Variants in ARID1B observed in about 807,000 individuals in gnomAD.
ARID1B encodes AT-rich interaction domain 1B.
ARID1B carries 30 observed loss-of-function variants against 212.3 expected under a neutral mutation model. The observed-to-expected ratio is 0.14, with a 90% CI of 0.11 to 0.19. The LOEUF (loss-of-function observed/expected upper bound fraction) is 0.19, where lower values mean the gene tolerates loss of function less well. ARID1B is among the 10% of genes least tolerant of loss of function. ARID1B has a pLI of 1.00. For synonymous variants in ARID1B, 1,402 were observed against 1,301.7 expected (o/e 1.08, Z -1.66); for missense variants, 2,891 against 3,204.0 (o/e 0.90, Z 2.36).
intron 4 of ARID1B, among the ~76,000 whole-genome samples, chr6:157,053,499 A>G (rs952859489): frequency 6.6e-6 from 1 of 152,232 alleles, no homozygotes; most frequent in African/African-American, 2.4e-5. Context: ...ATATAAAACT[A>G]TTAACTTTTC....
At chr6:156,951,078 T>C (rs1324790122) in intron 4 of ARID1B, among the ~76,000 whole-genome samples, 1 of 152,210 alleles carries the variant, frequency 6.6e-6, no homozygotes, top group Non-Finnish European at 1.5e-5. Flanking sequence ...TCTTTCAACA[T>C]GTATCCCTGA....
chr6:157,149,150 C>A lies in ARID1B; in HGVS notation c.3089+199C>A, dbSNP rs1790018285. 8.2e-6 allele frequency: 5 copies of A among 608,308 alleles called. No homozygotes were observed. The East Asian group carries it at 1.4e-4, about 17-fold the overall frequency. The allele number at this position is 608,308 out of a possible 1,614,324, so 37.7% of individuals were successfully genotyped here. On this transcript the variant is annotated intron_variant, in intron 8 of 19. Coordinates refer to ENST00000636930, the MANE Select transcript of ARID1B (RefSeq NM_001374828.1). ...AAGTGACAAACCATGTTTTATGATACATGAGGAAGGAATGTGAGCGGTGAG... is the reference window on the plus strand; with the variant it reads ...AAGTGACAAACCATGTTTTATGATAAATGAGGAAGGAATGTGAGCGGTGAG...
At chr6:156,883,011 T>C (rs1787221804) in intron 2 of ARID1B, among the ~76,000 whole-genome samples, 1 of 152,202 alleles carries the variant, frequency 6.6e-6, no homozygotes, top group African/African-American at 2.4e-5. Context: ...TGTCTTAATT[T>C]CTGCATTTTC....
At chr6:157,027,366 T>G (rs753887881) in intron 4 of ARID1B, among the ~76,000 whole-genome samples, 10 of 152,248 alleles carry the variant, frequency 6.6e-5, no homozygotes, top group Non-Finnish European at 1.0e-4. Context: ...ATTTGAACTT[T>G]GAAAGGTTTT....
At position 157,179,526 on chromosome 6, in the gene ARID1B, T is replaced by C. The variant is rs926350640; in HGVS notation, c.3505-1443T>C. On this transcript the variant is annotated intron_variant, in intron 11 of 19. Coordinates refer to ENST00000636930, the MANE Select transcript of ARID1B (RefSeq NM_001374828.1). Reference sequence around the variant, plus strand: ...TACATATATATTTTTTAAGCTCTTATCTAAAGTGGTTTTTAAGTGATGTGA... The same window carrying C: ...TACATATATATTTTTTAAGCTCTTACCTAAAGTGGTTTTTAAGTGATGTGA... Among the ~76,000 whole-genome samples, 9 of 152,340 alleles carry C rather than the reference T, an allele frequency of 5.9e-5. No homozygotes were observed. The South Asian group carries it at 8.3e-4, about 14-fold the overall frequency.
At chr6:157,021,649 C>A (rs536643578) in intron 4 of ARID1B, among the ~76,000 whole-genome samples, 1 of 152,278 alleles carries the variant, frequency 6.6e-6, no homozygotes, top group East Asian at 1.9e-4. Context: ...CTTTGTGGGA[C>A]CCCGCGGAAG....
At chr6:157,000,579 A>G (rs1044665666) in intron 4 of ARID1B, among the ~76,000 whole-genome samples, 9 of 151,964 alleles carry the variant, frequency 5.9e-5, no homozygotes, top group African/African-American at 1.7e-4. Flanking sequence ...AGCATGCTAT[A>G]TGGATGTGGA....
chr6:157,036,588 G>A (rs1168928924), intron 4 of ARID1B: 5 of 309,862 alleles, frequency 1.6e-5, no homozygotes, highest in Non-Finnish European at 3.2e-5. Context: ...ACGTCCACAT[G>A]ATGGCAGATG....
chr6:156,776,600 A>C (rs1426774437), upstream of ARID1B: 1 of 152,212 alleles, frequency 6.6e-6, no homozygotes, highest in Non-Finnish European at 1.5e-5. Flanking sequence ...GGCGCAGAAA[A>C]CACCACTGTA....
At chr6:157,028,272 A>G (rs978518208) in intron 4 of ARID1B, among the ~76,000 whole-genome samples, 2 of 152,192 alleles carry the variant, frequency 1.3e-5, no homozygotes, top group African/African-American at 2.4e-5. Context: ...GACACCCATC[A>G]TTTTTATTTT....
rs147926756 is a variant in ARID1B, at chr6:156,905,834, C to T, written c.2136+4309C>T. Among the ~76,000 whole-genome samples the T allele has an allele frequency of 3.5e-3, 538 of 151,964 alleles. 1 individual carries two copies. Among genetic ancestry groups the T allele is most frequent in the Non-Finnish European group, 5.8e-3 (392 of 67,976 alleles). On this transcript the variant is annotated intron_variant, in intron 3 of 19. Transcript: ENST00000636930. ...CTATAAACTTTTTCTTTTTTTATCA[C>T]GCTATTTTCTAAGAATTTTATCTTT...
intron 8 of ARID1B, among the ~76,000 whole-genome samples, chr6:157,162,892 C>T (rs908729432): frequency 5.3e-5 from 8 of 152,144 alleles, no homozygotes; most frequent in Admixed American, 1.3e-4. Context: ...GTCATTTCTA[C>T]AGCCATGGAC....
chr6:156,966,912 C>G (rs1794807533), intron 4 of ARID1B, among the ~76,000 whole-genome samples: 1 of 151,926 alleles, frequency 6.6e-6, no homozygotes, highest in Non-Finnish European at 1.5e-5. Context: ...GTTGGTCAGG[C>G]TGGTCTCGAA....
At chr6:156,970,723 A>T (rs753054655) in intron 4 of ARID1B, among the ~76,000 whole-genome samples, 2 of 152,154 alleles carry the variant, frequency 1.3e-5, no homozygotes, top group Non-Finnish European at 2.9e-5. Flanking sequence ...TGCTGTCCCA[A>T]TCTCTTACCT....
chr6:157,073,551 C>T (rs1012551475), intron 4 of ARID1B, among the ~76,000 whole-genome samples: 1 of 152,128 alleles, frequency 6.6e-6, no homozygotes, highest in Non-Finnish European at 1.5e-5. Flanking sequence ...TTATACATAG[C>T]GACTGCTTAT....
intron 4 of ARID1B, among the ~76,000 whole-genome samples, chr6:157,000,277 C>G (rs1394964778): frequency 1.3e-5 from 2 of 152,138 alleles, no homozygotes; most frequent in African/African-American, 4.8e-5. Flanking sequence ...GGCTTCTTTG[C>G]CATGTTTCTG....
intron 4 of ARID1B, among the ~76,000 whole-genome samples, chr6:156,976,125 AG>A (rs1777231870): frequency 6.6e-6 from 1 of 152,194 alleles, no homozygotes; most frequent in Admixed American, 6.5e-5. Context: ...AGGGTGGGGC[AG>A]GAACAAATCA....
intron 4 of ARID1B, among the ~76,000 whole-genome samples, chr6:156,995,447 T>G (rs1778531214): frequency 6.6e-6 from 1 of 152,234 alleles, no homozygotes. Flanking sequence ...TTGGTAACTC[T>G]TCTGAGCAGG....
chr6:156,996,733 A>G (rs1778612869), intron 4 of ARID1B, among the ~76,000 whole-genome samples: 1 of 152,214 alleles, frequency 6.6e-6, no homozygotes, highest in South Asian at 2.1e-4. Context: ...TTAATACCTC[A>G]TATTAAATTA....
Sources: allele counts gnomAD v4.1 joint callset (sites outside exome capture counted in the v4.1 genomes callset), GRCh38; gene constraint gnomAD v4.1.1; transcripts MANE v1.5; gene names NCBI Gene and HGNC (gene_info 2026-07-23, HGNC 2026-07-21).